STK17A: variants seen among roughly 807,000 people sequenced by gnomAD.
STK17A encodes the protein serine/threonine kinase 17a.
In STK17A, 26 loss-of-function variants were observed where a neutral mutation model predicts 43.7. The ratio of observed to expected loss-of-function variants is 0.60; its 90% CI spans 0.44 to 0.83. The LOEUF (loss-of-function observed/expected upper bound fraction) is 0.83, where lower values mean the gene tolerates loss of function less well. Ranked by LOEUF, STK17A falls within the 40% of genes least tolerant of loss-of-function variation. The pLI is 0.00. For synonymous variants in STK17A, 191 were observed against 182.5 expected (o/e 1.05, Z -0.38); for missense variants, 476 against 511.6 (o/e 0.93, Z 0.67).
rs1426534884 is a variant in STK17A, at chr7:43,588,634, A to C, written c.206+5185A>C. Among the ~76,000 whole-genome samples the C allele has an allele frequency of 2.6e-5, 4 of 151,450 alleles. No homozygotes were observed. The South Asian group carries it at 8.3e-4, about 31-fold the overall frequency. On this transcript the variant is annotated intron_variant, in intron 1 of 6. Coordinates refer to ENST00000319357, the MANE Select transcript of STK17A (RefSeq NM_004760.3). Reference sequence around the variant, plus strand: ...GGTGGGCGGATCACTTGAGGTCAGAAGCTTGAGAGCAGCCTGGCCAACATG... The same window carrying C: ...GGTGGGCGGATCACTTGAGGTCAGACGCTTGAGAGCAGCCTGGCCAACATG...
chr7:43,623,346 A>G (rs1022416386), intron 4 of STK17A: 4 of 492,302 alleles, frequency 8.1e-6, no homozygotes, highest in African/African-American at 8.1e-5. Context: ...TTTGTAAAAT[A>G]CTAGGGACTC....
At chr7:43,589,461 T>C (rs924721350) in intron 1 of STK17A, among the ~76,000 whole-genome samples, 2 of 151,524 alleles carry the variant, frequency 1.3e-5, no homozygotes, top group African/African-American at 4.8e-5. Context: ...CTGAATGTTA[T>C]ATATTCTATT....
rs1460595638 is a variant in STK17A at position 43,618,063 on chromosome 7, A to G, written c.565-1534A>G. ...GAATGAGAGGACAGAAGTCAGATGG[A>G]GGGGCAGAATATGAATGGAAGGAAA... On this transcript the variant is annotated intron_variant, in intron 3 of 6. Transcript: ENST00000319357. Among the ~76,000 whole-genome samples, 4 of 152,332 alleles carry G rather than the reference A, an allele frequency of 2.6e-5. No homozygotes were observed. In the East Asian group the frequency reaches 7.7e-4, roughly 29 times the overall value.
chr7:43,619,048 G>C (rs961788294), intron 3 of STK17A, among the ~76,000 whole-genome samples: 1 of 152,182 alleles, frequency 6.6e-6, no homozygotes, highest in Non-Finnish European at 1.5e-5. Context: ...TGGAGAAAAT[G>C]GGGAGGAATT....
At chr7:43,589,252 G>C (rs1479531380) in intron 1 of STK17A, among the ~76,000 whole-genome samples, 1 of 151,416 alleles carries the variant, frequency 6.6e-6, no homozygotes, top group Non-Finnish European at 1.5e-5. Flanking sequence ...GAGATAAAAA[G>C]ATGAAGAATA....
At chr7:43,602,756 G>T (rs2082564267) in intron 2 of STK17A, among the ~76,000 whole-genome samples, 1 of 151,866 alleles carries the variant, frequency 6.6e-6, no homozygotes, top group African/African-American at 2.4e-5. Context: ...CTATTTTTGT[G>T]GCTTCAGCTA....
intron 1 of STK17A, among the ~76,000 whole-genome samples, chr7:43,589,369 C>G (rs2082464252): frequency 1.3e-5 from 2 of 151,286 alleles, no homozygotes; most frequent in South Asian, 4.2e-4. Context: ...GCACTTTAAC[C>G]TAGAATAAAA....
At chr7:43,610,372 G>C (rs939448501) in intron 3 of STK17A, among the ~76,000 whole-genome samples, 1 of 88,894 alleles carries the variant, frequency 1.1e-5, no homozygotes, top group African/African-American at 4.3e-5. Flanking sequence ...AAAAAAAAAA[G>C]ACTTGCTATA....
At position 43,627,192 on chromosome 7, in the gene STK17A, TAATC is replaced by T. The variant is rs2084653018; in HGVS notation, c.*2353_*2356del. ...TGAAATGTATAAAATGTATAAGTTT[TAATC>T]AACTGGGAAATGATATTTGATTGAT... On this transcript the variant is annotated 3_prime_UTR_variant, in exon 7 of 7. Transcript: ENST00000319357. Among the ~76,000 whole-genome samples the T allele has an allele frequency of 1.3e-5, 2 of 152,250 alleles. No individual in the cohort carries two copies. The highest frequency in any genetic ancestry group is 2.9e-5 in the Non-Finnish European group (2 of 68,040).
chr7:43,594,298 T>C (rs2082500712), intron 1 of STK17A, among the ~76,000 whole-genome samples: 2 of 151,074 alleles, frequency 1.3e-5, no homozygotes, highest in South Asian at 4.2e-4. Flanking sequence ...GGGGATTGAT[T>C]GCAAATTGGG....
At chr7:43,586,833 T>G (rs1455934325) in intron 1 of STK17A, among the ~76,000 whole-genome samples, 1 of 151,524 alleles carries the variant, frequency 6.6e-6, no homozygotes, top group Non-Finnish European at 1.5e-5. Context: ...TGGATTTTCC[T>G]AAGGAAAAAA....
intron 2 of STK17A, among the ~76,000 whole-genome samples, chr7:43,607,635 A>C (rs2082616284): frequency 7.2e-6 from 1 of 139,382 alleles, no homozygotes; most frequent in African/African-American, 2.7e-5. Context: ...GTGACAGAGC[A>C]AGACTCCGTC....
At chr7:43,592,192 T>C (rs2082484386) in intron 1 of STK17A, among the ~76,000 whole-genome samples, 1 of 151,680 alleles carries the variant, frequency 6.6e-6, no homozygotes, top group South Asian at 2.1e-4. Context: ...CAGAGATCAT[T>C]GGGAACCTTT....
chr7:43,592,988 G>T (rs1357174630), intron 1 of STK17A, among the ~76,000 whole-genome samples: 3 of 152,214 alleles, frequency 2.0e-5, no homozygotes, highest in Admixed American at 1.3e-4. Context: ...GATATATTGG[G>T]TCATGGTGAA....
intron 2 of STK17A, among the ~76,000 whole-genome samples, chr7:43,606,120 T>C (rs2082586834): frequency 6.6e-6 from 1 of 152,174 alleles, no homozygotes; most frequent in Admixed American, 6.5e-5. Context: ...GTATTTGTTA[T>C]TTAAATATCT....
At chr7:43,608,189 T>C (rs1251637610) in intron 2 of STK17A, 67 bp from the exon 3 acceptor site, 1 of 1,436,108 alleles carries the variant, frequency 7.0e-7, no homozygotes, top group African/African-American at 1.4e-5. Context: ...ATTTACTCTG[T>C]AGTTTTGGTG....
chr7:43,596,255 A>G lies in STK17A; in HGVS notation c.419+142A>G, dbSNP rs2082514877. The stretch of plus-strand genomic sequence containing the variant: ...TAGATCATCTTCAGGTGTTCCTCTT[A>G]TTAATATAACATGTTCCAAATTTGC... On this transcript the variant is annotated intron_variant, in intron 2 of 6. Coordinates refer to ENST00000319357, the MANE Select transcript of STK17A (RefSeq NM_004760.3). The G allele has an allele frequency of 9.0e-6, 6 of 669,798 alleles. No homozygotes were observed. In the South Asian group the frequency reaches 1.7e-4, roughly 18 times the overall value. The allele number at this position is 669,798 out of a possible 1,614,324, so 41.5% of individuals were successfully genotyped here.
intron 1 of STK17A, among the ~76,000 whole-genome samples, chr7:43,586,849 A>G (rs1196194982): frequency 2.0e-5 from 3 of 151,572 alleles, no homozygotes; most frequent in African/African-American, 2.4e-5. Flanking sequence ...AAAAAGTTAC[A>G]AATACAAGTT....
Position 43,583,132 on chromosome 7 carries a change from G to T in STK17A, c.-112G>T, listed in dbSNP as rs1410197778. 1 of 1,168,474 alleles carries T rather than the reference G, an allele frequency of 8.6e-7. No homozygotes were observed. The highest frequency in any genetic ancestry group is 1.2e-6 in the Non-Finnish European group (1 of 835,476). The allele number at this position is 1,168,474 out of a possible 1,614,324, so 72.4% of individuals were successfully genotyped here. A position where few individuals can be genotyped will look rare whatever the true frequency, so the allele number is the denominator to read the frequency against. On this transcript the variant is annotated 5_prime_UTR_variant, in exon 1 of 7. Coordinates refer to ENST00000319357, the MANE Select transcript of STK17A (RefSeq NM_004760.3). ...CGCAGTCCGAGCGCCGCGCTGGGGA[G>T]AGCGGGTGTTTGAAGGCTCCGCGGA...
Sources: allele counts gnomAD v4.1 joint callset (sites outside exome capture counted in the v4.1 genomes callset), GRCh38; gene constraint gnomAD v4.1.1; transcripts MANE v1.5; gene names NCBI Gene and HGNC (gene_info 2026-07-23, HGNC 2026-07-21).